Variants in AXIN2 observed in about 807,000 individuals in gnomAD.
AXIN2 encodes the protein axin-2.
AXIN2 carries 21 observed loss-of-function variants against 74.7 expected under a neutral mutation model. The observed-to-expected ratio is 0.28, with a 90% confidence interval of 0.20 to 0.40. AXIN2 has a LOEUF of 0.40. AXIN2 is among the 10% of genes least tolerant of loss of function. The probability of loss-of-function intolerance (pLI) is 1.00; values close to 1 mark genes in which losing one functional copy is unlikely to be tolerated. For missense variants in AXIN2, 1,144 were observed against 1,111.1 expected, an observed-to-expected ratio of 1.03 and a Z score of -0.42; for synonymous variants, 532 against 454.9, an observed-to-expected ratio of 1.17 and a Z score of -2.16.
chr17:65,544,349 T>G (rs1261305697), intron 3 of AXIN2, among the ~76,000 whole-genome samples: 1 of 151,272 alleles, frequency 6.6e-6, no homozygotes, highest in East Asian at 1.9e-4. Context: ...GAACAAATGA[T>G]TTCATAAGCA....
chr17:65,556,324 C>A (rs1318700862), intron 2 of AXIN2, among the ~76,000 whole-genome samples: 1 of 152,176 alleles, frequency 6.6e-6, no homozygotes, highest in Non-Finnish European at 1.5e-5. Context: ...GGCTAGAGGG[C>A]AAGGAGGCCA....
At chr17:65,555,226 A>G (rs2044250297) in intron 2 of AXIN2, among the ~76,000 whole-genome samples, 1 of 152,222 alleles carries the variant, frequency 6.6e-6, no homozygotes, top group African/African-American at 2.4e-5. Context: ...TCAGCAGCTG[A>G]TGAAGAAAGA....
At chr17:65,557,219 G>A (rs536194753) in intron 2 of AXIN2, among the ~76,000 whole-genome samples, 41 of 152,228 alleles carry the variant, frequency 2.7e-4, no homozygotes, top group Admixed American at 2.2e-3. Flanking sequence ...AAAGTCACAG[G>A]ACCTTCCCTA....
intron 3 of AXIN2, among the ~76,000 whole-genome samples, chr17:65,544,830 C>T (rs2044095350): frequency 6.6e-6 from 1 of 152,166 alleles, no homozygotes; most frequent in South Asian, 2.1e-4. Context: ...CCACCGTGCC[C>T]GACCTAACCT....
rs370636226 is a variant in AXIN2, at chr17:65,529,794, A to G, written c.*182T>C. 27 of 896,958 alleles carry G rather than the reference A, an allele frequency of 3.0e-5. No individual in the cohort carries two copies. In the East Asian group the frequency reaches 6.7e-4, roughly 22 times the overall value. The allele number at this position is 896,958 out of a possible 1,614,324, so 55.6% of individuals were successfully genotyped here. On this transcript the variant is annotated 3_prime_UTR_variant, in exon 11 of 11. Coordinates refer to ENST00000307078, the MANE Select transcript of AXIN2 (RefSeq NM_004655.4). ...TCTTATCTCAGTCAGTACCCAGCTCATGAATCATGAAAATCAACCTCCCCC... is the reference window on the plus strand; with the variant it reads ...TCTTATCTCAGTCAGTACCCAGCTCGTGAATCATGAAAATCAACCTCCCCC...
intron 3 of AXIN2, among the ~76,000 whole-genome samples, chr17:65,549,205 C>A (rs541008106): frequency 6.6e-6 from 1 of 152,144 alleles, no homozygotes. Flanking sequence ...ATGATGACAA[C>A]CAGAAGAAGG....
In AXIN2 at chr17:65,557,999, CTG is replaced by C; in HGVS notation, c.620_621del (p.Thr207SerfsTer5). ...CCGAGTCCCCCATTACTCATGTAAG[CTG>C]TGTTTTCTCCCCCACTCCTCACATA... ...LEYVRSGGEN[T>X]AYMSNGGLGS... On this transcript the variant is annotated frameshift_variant, in exon 2 of 11. Coordinates refer to ENST00000307078, the MANE Select transcript of AXIN2 (RefSeq NM_004655.4). LOFTEE classifies it high-confidence loss of function. 6.2e-7 allele frequency: 1 copy of C among 1,614,220 alleles called. No individual in the cohort carries two copies. Among genetic ancestry groups the C allele is most frequent in the Non-Finnish European group, 8.5e-7 (1 of 1,180,052 alleles).
chr17:65,546,992 C>G (rs1289152919), intron 3 of AXIN2, among the ~76,000 whole-genome samples: 1 of 152,202 alleles, frequency 6.6e-6, no homozygotes, highest in Non-Finnish European at 1.5e-5. Flanking sequence ...ACACACTAAC[C>G]CTTGCCACCT....
rs1567754332 is a variant in AXIN2, at chr17:65,536,468, C to A, written c.1993G>T (p.Gly665Cys). The part of the protein sequence containing the change: ...ERASRHHLWG[G>C]NSGHPRTTPR... ...GTGGTGCGGGGGTGCCCGCTGTTGC[C>A]CCCCCACAGATGGTGCCGGCTGGCT... is the stretch of plus-strand genomic sequence containing the variant. Residue 665 changes from glycine (G) to cysteine (C), a missense_variant, in exon 8 of 11, where the codon GGC becomes TGC. By Grantham distance (159) the Gly-to-Cys change is radical. Transcript: ENST00000307078. The A allele has an allele frequency of 2.5e-6, 4 of 1,613,870 alleles. No homozygotes were observed. The highest frequency in any genetic ancestry group is 2.2e-5 in the South Asian group (2 of 91,088).
chr17:65,545,881 C>G (rs1339942430), intron 3 of AXIN2, among the ~76,000 whole-genome samples: 1 of 152,180 alleles, frequency 6.6e-6, no homozygotes, highest in African/African-American at 2.4e-5. Flanking sequence ...AATAACCAAC[C>G]AAGTGCAGGC....
intron 10 of AXIN2, among the ~76,000 whole-genome samples, chr17:65,531,537 C>T (rs1340317632): frequency 6.6e-6 from 1 of 151,976 alleles, no homozygotes; most frequent in Non-Finnish European, 1.5e-5. Context: ...AATCCCAACG[C>T]CACCCTCCGT....
chr17:65,538,163 G>T (rs781562976), intron 5 of AXIN2, 40 bp downstream of exon 5: 18 of 1,613,730 alleles, frequency 1.1e-5, no homozygotes, highest in Non-Finnish European at 1.4e-5. Context: ...GAGCGCTCAC[G>T]CCGTGGACGG....
In AXIN2 at chr17:65,536,850, G is replaced by C. The variant is rs1342923050; in HGVS notation, c.1907+19C>G. ...TGCCCATGACCCTCGCGGCCGCGGC[G>C]GCGGCAAGCGGTGTTTACCTATGGG... On this transcript the variant is annotated intron_variant, in intron 7 of 10. Transcript: ENST00000307078. The C allele has an allele frequency of 6.2e-7, 1 of 1,612,482 alleles. No individual in the cohort carries two copies. The highest frequency in any genetic ancestry group is 8.5e-7 in the Non-Finnish European group (1 of 1,179,838).
chr17:65,551,293 G>A (rs938199911), intron 2 of AXIN2, among the ~76,000 whole-genome samples: 6 of 21,090 alleles, frequency 2.8e-4, no homozygotes, highest in African/African-American at 1.3e-3. Context: ...GACAACCCAG[G>A]ACTAGGTAAA....
chr17:65,534,724 T>C (rs2043879051), intron 9 of AXIN2, among the ~76,000 whole-genome samples: 1 of 151,350 alleles, frequency 6.6e-6, no homozygotes, highest in Admixed American at 6.6e-5. Context: ...AGGTCAGGAG[T>C]TTGAGACCAG....
chr17:65,530,374 G>A (rs1429648012), intron 10 of AXIN2, among the ~76,000 whole-genome samples: 1 of 152,184 alleles, frequency 6.6e-6, no homozygotes, highest in Non-Finnish European at 1.5e-5. Context: ...CACCTCTGCT[G>A]TCTCCTGACA....
At chr17:65,538,846 A>G (rs2043994316) in intron 4 of AXIN2, among the ~76,000 whole-genome samples, 1 of 152,050 alleles carries the variant, frequency 6.6e-6, no homozygotes, top group Admixed American at 6.5e-5. Flanking sequence ...AGGGAGTCAA[A>G]CGGCCTGGAT....
intron 3 of AXIN2, among the ~76,000 whole-genome samples, chr17:65,542,288 A>G (rs2044055354): frequency 6.6e-6 from 1 of 152,224 alleles, no homozygotes; most frequent in Non-Finnish European, 1.5e-5. Context: ...AGCACCTACT[A>G]TGTGCCAGAT....
chr17:65,558,412 G>C lies in AXIN2; in HGVS notation c.209C>G (p.Ser70Cys), dbSNP rs1555583645. The part of the protein sequence containing the change: ...DGLGEPEGRA[S>C]PDSPLTRWTK... ...CCACCGGGTCAGAGGGGAATCCGGA[G>C]ATGCCCGCCCCTCCGGCTCCCCCAA... Residue 70 changes from serine to cysteine, a missense_variant, in exon 2 of 11, where the codon TCT (serine) becomes TGT (cysteine). Physicochemically the swap from Ser to Cys is moderately radical, Grantham distance 112. This residue lies in a region of AXIN2 where 1,053 missense variants were observed against 973.5 expected (regional missense o/e 1.08). Transcript: ENST00000307078. 6.2e-7 allele frequency: 1 copy of C among 1,603,000 alleles called. No individual in the cohort carries two copies. Among genetic ancestry groups the C allele is most frequent in the Non-Finnish European group, 8.5e-7 (1 of 1,172,642 alleles).
Sources: allele counts gnomAD v4.1 joint callset (sites outside exome capture counted in the v4.1 genomes callset), GRCh38; gene constraint gnomAD v4.1.1; regional missense constraint gnomAD v4.1.1; transcripts MANE v1.5; gene names NCBI Gene and HGNC (gene_info 2026-07-23, HGNC 2026-07-21).